IFTAP: variants seen among roughly 807,000 people sequenced by gnomAD.
IFTAP encodes the protein intraflagellar transport associated protein.
IFTAP carries 19 observed loss-of-function variants against 19.4 expected under a neutral mutation model. That is an observed-to-expected ratio of 0.98 (90% CI 0.68 to 1.44). The LOEUF is 1.44. Ranked by LOEUF, IFTAP falls within the 40% of genes most tolerant of loss-of-function variation. IFTAP has a pLI of 0.00. For missense variants in IFTAP, 240 were observed against 253.6 expected, an observed-to-expected ratio of 0.95 and a Z score of 0.36; for synonymous variants, 85 against 83.5, an observed-to-expected ratio of 1.02 and a Z score of -0.10.
intron 1 of IFTAP, among the ~76,000 whole-genome samples, chr11:36,601,498 A>G (rs1851507107): frequency 6.6e-6 from 1 of 152,206 alleles, no homozygotes. Context: ...TCTCTGATTT[A>G]AGGTGGATTC....
intron 1 of IFTAP, among the ~76,000 whole-genome samples, chr11:36,602,324 T>C (rs900499919): frequency 6.6e-6 from 1 of 152,200 alleles, no homozygotes; most frequent in Non-Finnish European, 1.5e-5. Flanking sequence ...GGTTTTGCTT[T>C]AGAGTAGGCT....
chr11:36,602,719 A>T (rs562832413), intron 1 of IFTAP, among the ~76,000 whole-genome samples: 1 of 152,266 alleles, frequency 6.6e-6, no homozygotes, highest in East Asian at 1.9e-4. Context: ...AAATATGGGT[A>T]TGGCAAATTT....
intron 2 of IFTAP, among the ~76,000 whole-genome samples, chr11:36,631,387 G>A (rs779038057): frequency 2.0e-5 from 3 of 151,296 alleles, no homozygotes; most frequent in Non-Finnish European, 2.9e-5. Context: ...TATTAATGAC[G>A]TATTATAGAT....
chr11:36,645,097 G>T (rs990471259), intron 4 of IFTAP, among the ~76,000 whole-genome samples: 18 of 151,944 alleles, frequency 1.2e-4, no homozygotes, highest in Admixed American at 1.1e-3. Flanking sequence ...AGGAAATGTT[G>T]GCCATTTTAT....
chr11:36,632,040 A>G (rs1176765671), intron 2 of IFTAP, among the ~76,000 whole-genome samples: 1 of 151,008 alleles, frequency 6.6e-6, no homozygotes, highest in African/African-American at 2.5e-5. Context: ...GGTTAGGAGG[A>G]TAGGTTCTAG....
At chr11:36,596,211 G>GTT (rs1243664769) in intron 1 of IFTAP, among the ~76,000 whole-genome samples, 3,838 of 99,046 alleles carry the variant, frequency 0.039, 158 homozygotes, top group African/African-American at 0.051. Flanking sequence ...AGATGGTAGT[G>GTT]TTTTTTTTTT....
At chr11:36,599,435 T>G (rs984167420) in intron 1 of IFTAP, among the ~76,000 whole-genome samples, 2 of 152,256 alleles carry the variant, frequency 1.3e-5, no homozygotes, top group African/African-American at 4.8e-5. Context: ...GGTTTGAGTT[T>G]CAGTTCTGTG....
Position 36,648,042 on chromosome 11 carries a change from G to T in IFTAP, c.385G>T (p.Glu129Ter), listed in dbSNP as rs147309571. 4.8e-5 allele frequency: 78 copies of T among 1,613,156 alleles called. No homozygotes were observed. The highest frequency in any genetic ancestry group is 6.6e-5 in the Non-Finnish European group (78 of 1,179,516). The change falls in exon 5 of 6, where the codon GAG (glutamate) becomes TAG (stop). Residue 129 changes from glutamate (E) to a stop codon, truncating the protein, a stop_gained. Transcript: ENST00000334307. LOFTEE classifies it high-confidence loss of function. ...EDLLLLPGEV[E>*]QDVSTSIPSC... ...TTTGCTGCTGCTTCCAGGAGAAGTG[G>T]AGCAGGATGTAAGCACCAGCATTCC...
chr11:36,633,378 C>T lies in IFTAP; in HGVS notation c.231C>T (p.Asp77=). ...TTACTCATAAAAATGAAGCAGATGA[C>T]TACCATCTTAGAAATAAAACCATCT... is the stretch of plus-strand genomic sequence containing the variant. The part of the protein sequence containing the change: ...AKVTHKNEAD[D]YHLRNKTIFL... The change falls in exon 3 of 6, where the codon GAC becomes GAT. Residue 77 remains aspartate (D), a synonymous_variant. Coordinates refer to ENST00000334307, the MANE Select transcript of IFTAP (RefSeq NM_138787.4). 1 of 1,603,524 alleles carries T rather than the reference C, an allele frequency of 6.2e-7. No homozygotes were observed. Among genetic ancestry groups the T allele is most frequent in the Non-Finnish European group, 8.5e-7 (1 of 1,175,328 alleles).
chr11:36,622,901 T>C (rs564287309), intron 2 of IFTAP, among the ~76,000 whole-genome samples: 7 of 152,284 alleles, frequency 4.6e-5, no homozygotes, highest in African/African-American at 1.7e-4. Context: ...TGTGTACATG[T>C]ACGTGGTATA....
intron 4 of IFTAP, among the ~76,000 whole-genome samples, chr11:36,637,160 A>G (rs1443425410): frequency 6.6e-6 from 1 of 152,110 alleles, no homozygotes; most frequent in Non-Finnish European, 1.5e-5. Context: ...TGGTTTAGGG[A>G]TGGTGACTAT....
chr11:36,610,299 A>G (rs1468546639), intron 2 of IFTAP, 60 bp downstream of exon 2: 2 of 1,450,340 alleles, frequency 1.4e-6, no homozygotes, highest in African/African-American at 1.4e-5. Context: ...TTATAAGTGT[A>G]TGTTTTTGCT....
intron 2 of IFTAP, among the ~76,000 whole-genome samples, chr11:36,613,766 T>G (rs1851957264): frequency 1.3e-5 from 2 of 152,052 alleles, no homozygotes. Context: ...TTAAAATGCC[T>G]CCATTGGTGA....
intron 2 of IFTAP, among the ~76,000 whole-genome samples, chr11:36,629,750 TGGG>T (rs955740408): frequency 1.3e-5 from 2 of 151,102 alleles, no homozygotes; most frequent in Non-Finnish European, 2.9e-5. Context: ...ATAGGTGTGG[TGGG>T]GGCCTTGTAA....
chr11:36,620,879 T>G (rs1852264101), intron 2 of IFTAP, among the ~76,000 whole-genome samples: 2 of 152,022 alleles, frequency 1.3e-5, no homozygotes, highest in South Asian at 4.2e-4. Context: ...TTGATTTACT[T>G]GAAAAGATAC....
intron 4 of IFTAP, among the ~76,000 whole-genome samples, chr11:36,644,090 A>G (rs965388392): frequency 2.0e-5 from 3 of 152,248 alleles, no homozygotes; most frequent in Non-Finnish European, 4.4e-5. Context: ...AATGTTTGCA[A>G]TCTACTCAAC....
At chr11:36,633,734 A>T (rs1565021784) in intron 3 of IFTAP, among the ~76,000 whole-genome samples, 1 of 152,080 alleles carries the variant, frequency 6.6e-6, no homozygotes, top group Non-Finnish European at 1.5e-5. Flanking sequence ...TCTATTTGGG[A>T]CAAAAGAGCT....
At chr11:36,624,750 G>T (rs903214655) in intron 2 of IFTAP, among the ~76,000 whole-genome samples, 1 of 152,094 alleles carries the variant, frequency 6.6e-6, no homozygotes, top group Non-Finnish European at 1.5e-5. Context: ...GTGTGGGGGG[G>T]TGTCATCCTG....
chr11:36,606,119 T>C (rs1851682959), intron 1 of IFTAP, among the ~76,000 whole-genome samples: 1 of 152,226 alleles, frequency 6.6e-6, no homozygotes, highest in African/African-American at 2.4e-5. Flanking sequence ...TGTTAAACTC[T>C]TCAATAATGA....
Sources: allele counts gnomAD v4.1 joint callset (sites outside exome capture counted in the v4.1 genomes callset), GRCh38; gene constraint gnomAD v4.1.1; transcripts MANE v1.5; gene names NCBI Gene and HGNC (gene_info 2026-07-23, HGNC 2026-07-21).